The following SGCZ variants were observed in gnomAD, a reference collection of about 807,000 sequenced individuals.
SGCZ encodes the protein sarcoglycan zeta, also known as zeta-sarcoglycan.
A neutral mutation model predicts 41.3 loss-of-function variants in SGCZ; 40 were observed. The observed-to-expected ratio is 0.97, with a 90% confidence interval of 0.75 to 1.26. SGCZ has a LOEUF of 1.26. Ranked by LOEUF, SGCZ falls within the 50% of genes most tolerant of loss-of-function variation. The pLI is 0.00. For synonymous variants in SGCZ, 206 were observed against 137.5 expected (o/e 1.50, Z -3.49); for missense variants, 552 against 369.8 (o/e 1.49, Z -4.04).
At chr8:14,134,710 G>T (rs1159700431) in intron 5 of SGCZ, among the ~76,000 whole-genome samples, 9 of 152,206 alleles carry the variant, frequency 5.9e-5, no homozygotes, top group African/African-American at 2.2e-4. Context: ...CAGCCTATCT[G>T]TATAGGCTGC....
intron 1 of SGCZ, among the ~76,000 whole-genome samples, chr8:14,910,711 T>C (rs965042041): frequency 7.2e-5 from 11 of 151,992 alleles, no homozygotes; most frequent in African/African-American, 2.6e-4. Context: ...TGCCCAAAAT[T>C]TCTTCAAATT....
rs554816349 is a variant in SGCZ, at chr8:14,772,472, C to T, written c.40-217546G>A. Among the ~76,000 whole-genome samples, 43 of 150,886 alleles carry T rather than the reference C, an allele frequency of 2.8e-4. No homozygotes were observed. The South Asian group carries it at 8.4e-3, about 29-fold the overall frequency. On this transcript the variant is annotated intron_variant, in intron 1 of 7. Coordinates refer to ENST00000382080, the MANE Select transcript of SGCZ (RefSeq NM_139167.4). The stretch of plus-strand genomic sequence containing the variant: ...CTTTAAGTTTTAGGGTACATGTGCA[C>T]GATGTGCAGGTTAGTTACATATGTA...
chr8:14,840,321 T>A (rs190892850), intron 1 of SGCZ, among the ~76,000 whole-genome samples: 3 of 152,124 alleles, frequency 2.0e-5, no homozygotes, highest in African/African-American at 7.2e-5. Context: ...TTTATTCACA[T>A]AAGATTATAG....
chr8:14,563,680 T>C (rs1804274591), intron 1 of SGCZ, among the ~76,000 whole-genome samples: 1 of 152,170 alleles, frequency 6.6e-6, no homozygotes, highest in Non-Finnish European at 1.5e-5. Flanking sequence ...ATCTGGTACA[T>C]AGCTTTTAAA....
intron 1 of SGCZ, among the ~76,000 whole-genome samples, chr8:15,178,441 G>C (rs953900285): frequency 6.6e-6 from 1 of 152,078 alleles, no homozygotes; most frequent in Non-Finnish European, 1.5e-5. Context: ...TCTATATTAA[G>C]AGGACATATT....
chr8:14,597,146 A>T (rs1306361454), intron 1 of SGCZ, among the ~76,000 whole-genome samples: 1 of 152,196 alleles, frequency 6.6e-6, no homozygotes, highest in Admixed American at 6.5e-5. Flanking sequence ...AATACGTTAA[A>T]ATATTTTAAA....
chr8:14,376,110 G>A (rs1393845580), intron 2 of SGCZ, among the ~76,000 whole-genome samples: 1 of 152,154 alleles, frequency 6.6e-6, no homozygotes, highest in Non-Finnish European at 1.5e-5. Context: ...TCTGGAGTTC[G>A]AGACCAGACT....
intron 2 of SGCZ, among the ~76,000 whole-genome samples, chr8:14,455,955 G>T (rs1387968144): frequency 6.6e-6 from 1 of 152,186 alleles, no homozygotes; most frequent in Non-Finnish European, 1.5e-5. Flanking sequence ...TATACCTAAA[G>T]TAGATTTGTA....
intron 1 of SGCZ, among the ~76,000 whole-genome samples, chr8:14,893,909 A>C (rs1805108203): frequency 6.6e-6 from 1 of 152,152 alleles, no homozygotes; most frequent in Non-Finnish European, 1.5e-5. Flanking sequence ...GGCTTTATTC[A>C]GCTTTATTAT....
intron 1 of SGCZ, among the ~76,000 whole-genome samples, chr8:14,720,425 C>T (rs1809845131): frequency 6.6e-6 from 1 of 151,962 alleles, no homozygotes; most frequent in Admixed American, 6.6e-5. Flanking sequence ...CTAAATAAAA[C>T]AGTTGAATGC....
intron 1 of SGCZ, among the ~76,000 whole-genome samples, chr8:14,636,885 A>G (rs1307346086): frequency 1.3e-5 from 2 of 151,952 alleles, no homozygotes; most frequent in Admixed American, 1.3e-4. Flanking sequence ...ATACTGATGG[A>G]AATGTTTTAT....
intron 1 of SGCZ, among the ~76,000 whole-genome samples, chr8:15,155,932 C>G (rs1011837775): frequency 2.6e-5 from 4 of 151,724 alleles, no homozygotes; most frequent in Non-Finnish European, 5.9e-5. Flanking sequence ...GTGGCGCACA[C>G]CTGTAGTCCA....
intron 1 of SGCZ, among the ~76,000 whole-genome samples, chr8:14,870,291 G>A (rs191487551): frequency 6.6e-6 from 1 of 151,800 alleles, no homozygotes. Context: ...TTGAGATGGA[G>A]ACCATCCTGG....
chr8:15,009,149 G>A (rs1802729179), intron 1 of SGCZ, among the ~76,000 whole-genome samples: 1 of 152,148 alleles, frequency 6.6e-6, no homozygotes, highest in South Asian at 2.1e-4. Flanking sequence ...AAAGAAAAGA[G>A]GTTTACTTAG....
chr8:15,014,096 A>G (rs925615858), intron 1 of SGCZ, among the ~76,000 whole-genome samples: 3 of 152,220 alleles, frequency 2.0e-5, no homozygotes, highest in African/African-American at 7.2e-5. Flanking sequence ...CCCTTCTGAA[A>G]TGACAGAAGG....
intron 2 of SGCZ, among the ~76,000 whole-genome samples, chr8:14,436,069 G>A (rs766213472): frequency 1.3e-5 from 2 of 152,214 alleles, no homozygotes; most frequent in Non-Finnish European, 2.9e-5. Flanking sequence ...GATGAGAGAT[G>A]TGGCGTTGGA....
intron 1 of SGCZ, among the ~76,000 whole-genome samples, chr8:14,860,186 C>CTTTTTTTTTGTCTT (rs771600889): frequency 1.3e-5 from 2 of 150,410 alleles, no homozygotes; most frequent in African/African-American, 4.9e-5. Context: ...TACACAAAGT[C>CTTTTTTTTTGTCTT]TTTTTTTTTG....
At chr8:14,619,664 C>G (rs571292871) in intron 1 of SGCZ, among the ~76,000 whole-genome samples, 1 of 151,992 alleles carries the variant, frequency 6.6e-6, no homozygotes, top group East Asian at 1.9e-4. Context: ...AACAGAGAAC[C>G]AAATCATGAG....
chr8:14,236,691 G>C (rs192619524), intron 4 of SGCZ, among the ~76,000 whole-genome samples: 38 of 151,338 alleles, frequency 2.5e-4, no homozygotes, highest in African/African-American at 8.9e-4. Context: ...TGTATAACTA[G>C]ATAGAGATAA....
Sources: gnomAD v4.1 joint callset for allele counts (sites outside exome capture counted in the v4.1 genomes callset) on GRCh38, gnomAD v4.1.1 for gene constraint, MANE v1.5 for transcripts, NCBI Gene and HGNC (gene_info 2026-07-23, HGNC 2026-07-21) for gene names.